Variants in AFF3 observed in about 807,000 individuals in gnomAD.
The protein encoded by AFF3 is ALF transcription elongation factor 3, also known as AF4/FMR2 family member 3.
A neutral mutation model predicts 129.7 loss-of-function variants in AFF3; 32 were observed. The observed-to-expected ratio is 0.25, with a 90% confidence interval of 0.19 to 0.33. AFF3 has a LOEUF of 0.33. AFF3 is among the 10% of genes least tolerant of loss of function. The pLI, the probability that AFF3 is intolerant of heterozygous loss-of-function variation, is 1.00. For missense variants in AFF3, 1,373 were observed against 1,592.0 expected (o/e 0.86, Z 2.34); for synonymous variants, 644 against 635.4 (o/e 1.01, Z -0.20).
chr2:100,035,711 G>A (rs894493258), intron 4 of AFF3, among the ~76,000 whole-genome samples: 1 of 152,152 alleles, frequency 6.6e-6, no homozygotes, highest in Admixed American at 6.5e-5. Flanking sequence ...AACCCTCGAT[G>A]AGTATTTGTT....
rs117426995 is a variant in AFF3 at position 99,834,529 on chromosome 2, A to G, written c.921+2948T>C. Among the ~76,000 whole-genome samples, 109 of 152,322 alleles carry G rather than the reference A, an allele frequency of 7.2e-4. 5 individuals are homozygous for G. In the East Asian group the frequency reaches 0.02, roughly 27 times the overall value. On this transcript the variant is annotated intron_variant, in intron 8 of 24. Coordinates refer to ENST00000672756, the MANE Select transcript of AFF3 (RefSeq NM_001386135.1). ...CAGCCTTTCCTCCCAAGAAGTCTCT[A>G]AATTCACTGACTGCATTTTCTGTTT...
At chr2:99,956,444 G>T (rs80280460) in intron 7 of AFF3, among the ~76,000 whole-genome samples, 7 of 152,104 alleles carry the variant, frequency 4.6e-5, no homozygotes, top group Non-Finnish European at 5.9e-5. Context: ...AAGTTGGAGG[G>T]GGGGGCTGTT....
In AFF3 at chr2:100,006,707, T is replaced by G. The variant is rs763400776; in HGVS notation, c.798A>C (p.Gly266=). The change falls in exon 7 of 25, where the codon GGA becomes GGC. Residue 266 remains glycine, a synonymous_variant. Coordinates refer to ENST00000672756, the MANE Select transcript of AFF3 (RefSeq NM_001386135.1). The part of the protein sequence containing the change: ...ETSVHCTSYR[G]VPASKPEPAR... ...CAGGCTCCGGCTTGCTGGCAGGGAC[T>G]CCCCTGTATGATGTGCAGTGCACGC... is the stretch of plus-strand genomic sequence containing the variant. 3 of 1,614,080 alleles carry G rather than the reference T, an allele frequency of 1.9e-6. No individual in the cohort carries two copies. Among genetic ancestry groups the G allele is most frequent in the Non-Finnish European group, 2.5e-6 (3 of 1,179,934 alleles).
chr2:99,585,831 C>T (rs1028058506), intron 16 of AFF3, among the ~76,000 whole-genome samples: 14 of 152,258 alleles, frequency 9.2e-5, no homozygotes, highest in Admixed American at 2.6e-4. Flanking sequence ...CGGGTTTGAG[C>T]GATTCTCTGG....
intron 8 of AFF3, among the ~76,000 whole-genome samples, chr2:99,828,382 C>T (rs998488790): frequency 6.6e-6 from 1 of 152,190 alleles, no homozygotes; most frequent in African/African-American, 2.4e-5. Context: ...GACGTCGCAA[C>T]CGGCTGGCTG....
At chr2:99,553,757 C>CA (rs1279959494) in intron 24 of AFF3, among the ~76,000 whole-genome samples, 1 of 151,164 alleles carries the variant, frequency 6.6e-6, no homozygotes, top group African/African-American at 2.4e-5. Flanking sequence ...ACTAAAAATA[C>CA]AAAAAAATTA....
chr2:99,818,347 C>T (rs183154265), intron 8 of AFF3, among the ~76,000 whole-genome samples: 8 of 152,204 alleles, frequency 5.3e-5, no homozygotes, highest in African/African-American at 1.4e-4. Context: ...AATCATTTCC[C>T]GACAGAAATG....
At chr2:99,980,911 T>C (rs886583579) in intron 7 of AFF3, among the ~76,000 whole-genome samples, 12 of 152,258 alleles carry the variant, frequency 7.9e-5, no homozygotes, top group Admixed American at 5.9e-4. Context: ...TGCATATTTA[T>C]AAAATTGGGA....
intron 13 of AFF3, among the ~76,000 whole-genome samples, chr2:99,621,296 C>A (rs1681980362): frequency 6.6e-6 from 1 of 152,222 alleles, no homozygotes. Flanking sequence ...TCGCACACAG[C>A]ATTGCTGTGT....
At chr2:99,984,490 T>C (rs1263774548) in intron 7 of AFF3, among the ~76,000 whole-genome samples, 1 of 152,220 alleles carries the variant, frequency 6.6e-6, no homozygotes, top group Non-Finnish European at 1.5e-5. Context: ...GCTTAAGAAC[T>C]AACCTGAAAG....
chr2:99,701,947 C>A (rs1286576070), intron 11 of AFF3, among the ~76,000 whole-genome samples: 1 of 152,212 alleles, frequency 6.6e-6, no homozygotes, highest in African/African-American at 2.4e-5. Context: ...TTTTTTTCCA[C>A]TCAGCATAAA....
chr2:99,843,210 A>G (rs1487162989), intron 7 of AFF3, among the ~76,000 whole-genome samples: 2 of 152,240 alleles, frequency 1.3e-5, no homozygotes, highest in Non-Finnish European at 2.9e-5. Context: ...GTCCATCCCT[A>G]CAACTGTGTC....
intron 7 of AFF3, among the ~76,000 whole-genome samples, chr2:99,979,764 T>C (rs114061382): frequency 0.021 from 3,174 of 152,316 alleles, 114 homozygotes; most frequent in African/African-American, 0.073. Context: ...ATTATAGGCA[T>C]GAGCCACTGC....
At chr2:100,051,241 C>G (rs1378170001) in intron 4 of AFF3, among the ~76,000 whole-genome samples, 1 of 152,150 alleles carries the variant, frequency 6.6e-6, no homozygotes, top group African/African-American at 2.4e-5. Context: ...GATGAAACCC[C>G]TGGGGTAGAC....
chr2:100,038,972 C>T (rs1408273510), intron 4 of AFF3, among the ~76,000 whole-genome samples: 1 of 152,126 alleles, frequency 6.6e-6, no homozygotes, highest in African/African-American at 2.4e-5. Context: ...GATCCACCTG[C>T]CTTGGCCTCC....
chr2:99,582,392 G>A (rs1677658454), intron 17 of AFF3, among the ~76,000 whole-genome samples: 1 of 152,114 alleles, frequency 6.6e-6, no homozygotes, highest in Non-Finnish European at 1.5e-5. Context: ...TGGCCAATAA[G>A]GGCAGAGTGG....
intron 2 of AFF3, among the ~76,000 whole-genome samples, chr2:100,108,094 A>G (rs1490304771): frequency 8.5e-6 from 1 of 116,964 alleles, no homozygotes; most frequent in Non-Finnish European, 2.0e-5. Context: ...TAAGGACACT[A>G]CTCTCTCCTG....
At chr2:100,126,489 G>A (rs1692197966) in intron 2 of AFF3, among the ~76,000 whole-genome samples, 1 of 152,108 alleles carries the variant, frequency 6.6e-6, no homozygotes, top group Non-Finnish European at 1.5e-5. Context: ...TGGTGCTCTG[G>A]GAAGCTGAAT....
intron 8 of AFF3, among the ~76,000 whole-genome samples, chr2:99,814,295 A>G (rs1229407759): frequency 2.0e-5 from 3 of 151,322 alleles, no homozygotes; most frequent in Admixed American, 2.0e-4. Flanking sequence ...GGGCTTGGGG[A>G]TAACTAACTG....
Sources: gnomAD v4.1 joint callset for allele counts (sites outside exome capture counted in the v4.1 genomes callset) on GRCh38, gnomAD v4.1.1 for gene constraint, MANE v1.5 for transcripts, NCBI Gene and HGNC (gene_info 2026-07-23, HGNC 2026-07-21) for gene names.